DCBLD2: variants seen among roughly 807,000 people sequenced by gnomAD.
DCBLD2 encodes discoidin, CUB and LCCL domain containing 2.
In DCBLD2, 54 loss-of-function variants were observed where a neutral mutation model predicts 86.8. The observed-to-expected ratio is 0.62, with a 90% confidence interval of 0.50 to 0.78. DCBLD2 has a LOEUF of 0.78. Ranked by LOEUF, DCBLD2 falls within the 30% of genes least tolerant of loss-of-function variation. DCBLD2 has a pLI of 0.00. For synonymous variants in DCBLD2, 354 were observed against 341.3 expected, an observed-to-expected ratio of 1.04 and a Z score of -0.41; for missense variants, 908 against 954.2, an observed-to-expected ratio of 0.95 and a Z score of 0.64.
At chr3:98,867,813 T>G (rs1010482747) in intron 2 of DCBLD2, among the ~76,000 whole-genome samples, 4 of 151,882 alleles carry the variant, frequency 2.6e-5, no homozygotes, top group Non-Finnish European at 4.4e-5. Context: ...TTTTGTTTTT[T>G]TTTTTTTGAG....
intron 1 of DCBLD2, among the ~76,000 whole-genome samples, chr3:98,885,349 G>A (rs1943542741): frequency 6.6e-6 from 1 of 152,022 alleles, no homozygotes; most frequent in Non-Finnish European, 1.5e-5. Flanking sequence ...GCTTAACTAA[G>A]CACCTACTGC....
chr3:98,848,591 T>C lies in DCBLD2; in HGVS notation c.571+870A>G, dbSNP rs373534788. 1.1e-3 allele frequency among the ~76,000 whole-genome samples: 160 copies of C among 152,330 alleles called. 5 individuals are homozygous for C. The South Asian group carries it at 0.032, about 30-fold the overall frequency. On this transcript the variant is annotated intron_variant, in intron 3 of 15. Coordinates refer to ENST00000326840, the MANE Select transcript of DCBLD2 (RefSeq NM_080927.4). ...AACTGACTTACACTCCCACAAACAG[T>C]GTATACGGTTTCTTTTTCTCCACAA...
At chr3:98,810,199 A>T (rs1252223360) in intron 12 of DCBLD2, among the ~76,000 whole-genome samples, 4 of 152,234 alleles carry the variant, frequency 2.6e-5, no homozygotes, top group African/African-American at 9.6e-5. Flanking sequence ...CCATCCAGGC[A>T]TGTGGTCTGG....
Position 98,872,771 on chromosome 3 carries a change from C to T in DCBLD2, c.433+8769G>A, listed in dbSNP as rs113611988. 1.3e-3 allele frequency among the ~76,000 whole-genome samples: 199 copies of T among 151,402 alleles called. 1 individual carries two copies. In the East Asian group the frequency reaches 0.017, roughly 13 times the overall value. ...ATAAACCTTACCAAACACGAAAAGA[C>T]ACTTAAAAAAAACCAGAAGGACAGA... is the stretch of plus-strand genomic sequence containing the variant. On this transcript the variant is annotated intron_variant, in intron 2 of 15. Coordinates refer to ENST00000326840, the MANE Select transcript of DCBLD2 (RefSeq NM_080927.4).
At chr3:98,855,456 C>T (rs1329636784) in intron 2 of DCBLD2, among the ~76,000 whole-genome samples, 1 of 152,172 alleles carries the variant, frequency 6.6e-6, no homozygotes, top group East Asian at 1.9e-4. Flanking sequence ...AATTCCTCTT[C>T]TACGTATAGA....
At chr3:98,871,527 T>C (rs762687685) in intron 2 of DCBLD2, among the ~76,000 whole-genome samples, 2 of 152,176 alleles carry the variant, frequency 1.3e-5, no homozygotes, top group Non-Finnish European at 2.9e-5. Flanking sequence ...TTTCTTCATC[T>C]ACTGAAATGA....
chr3:98,884,598 G>T lies in DCBLD2; in HGVS notation c.206-2831C>A, dbSNP rs533397965. On this transcript the variant is annotated intron_variant, in intron 1 of 15. Coordinates refer to ENST00000326840, the MANE Select transcript of DCBLD2 (RefSeq NM_080927.4). Reference sequence around the variant, plus strand: ...AGGAAAAAACTACCACCCTAAGACAGAGTTCCTAACATTATAAAACTAGTC... The same window carrying T: ...AGGAAAAAACTACCACCCTAAGACATAGTTCCTAACATTATAAAACTAGTC... Among the ~76,000 whole-genome samples the T allele has an allele frequency of 4.6e-5, 7 of 152,140 alleles. No homozygotes were observed. In the East Asian group the frequency reaches 1.4e-3, roughly 29 times the overall value.
chr3:98,816,674 A>T (rs1005628734), intron 9 of DCBLD2, among the ~76,000 whole-genome samples: 7 of 152,180 alleles, frequency 4.6e-5, no homozygotes, highest in Non-Finnish European at 1.0e-4. Flanking sequence ...GAGATGAGAA[A>T]AGTAGTAATT....
chr3:98,822,188 T>A, intron 6 of DCBLD2, 40 bp downstream of exon 6: 3 of 1,609,700 alleles, frequency 1.9e-6, no homozygotes, highest in Non-Finnish European at 1.7e-6. Flanking sequence ...GAATGCTAAT[T>A]ATATATAGCA....
rs757162843 is a variant in DCBLD2, at chr3:98,799,590, T to C, written c.2110A>G (p.Thr704Ala). The change falls in exon 16 of 16, where the codon ACG (threonine) becomes GCG (alanine). Residue 704 changes from threonine to alanine, a missense_variant. Physicochemically the swap from Thr to Ala is moderately conservative, Grantham distance 58 (BLOSUM62 0). Around this residue, in one of 3 missense-constraint regions of DCBLD2, gnomAD observed 606 missense variants for 678.5 expected, o/e 0.89. Coordinates refer to ENST00000326840, the MANE Select transcript of DCBLD2 (RefSeq NM_080927.4). Reference protein sequence around the residue: ...GQPSTSTFKATGNQPPPLVGT... With the variant: ...GQPSTSTFKAAGNQPPPLVGT... The stretch of plus-strand genomic sequence containing the variant: ...ACTAGTGGGGGAGGTTGGTTCCCCG[T>C]AGCCTTGAAAGTGGATGTGGAGGGC... The C allele has an allele frequency of 6.2e-6, 10 of 1,613,860 alleles. No homozygotes were observed. Among genetic ancestry groups the C allele is most frequent in the Admixed American group, 3.3e-5 (2 of 59,994 alleles).
chr3:98,879,973 G>T (rs1943437985), intron 2 of DCBLD2, among the ~76,000 whole-genome samples: 1 of 152,176 alleles, frequency 6.6e-6, no homozygotes, highest in Non-Finnish European at 1.5e-5. Context: ...GCTCCCTACT[G>T]CATCTGCAGG....
intron 12 of DCBLD2, among the ~76,000 whole-genome samples, chr3:98,810,635 T>C (rs995694256): frequency 6.6e-6 from 1 of 152,198 alleles, no homozygotes; most frequent in African/African-American, 2.4e-5. Context: ...TTATCACTGA[T>C]AACAAAACTT....
At position 98,808,100 on chromosome 3, in the gene DCBLD2, C is replaced by A. The variant is rs777072457; in HGVS notation, c.1651G>T (p.Ala551Ser). The change falls in exon 13 of 16, where the codon GCT (alanine) becomes TCT (serine). Residue 551 changes from alanine to serine, a missense_variant. By Grantham distance (99) the Ala-to-Ser change is moderately conservative (BLOSUM62 1). Coordinates refer to ENST00000326840, the MANE Select transcript of DCBLD2 (RefSeq NM_080927.4). ...LTTLILILVC[A>S]WHWRNRKKKT... ...ACTAACCTGTTTCTCCAGTGCCAAG[C>A]ACACACTAATATGAGAATGAGAGTA... 1.9e-6 allele frequency: 3 copies of A among 1,602,684 alleles called. No individual in the cohort carries two copies. The highest frequency in any genetic ancestry group is 1.7e-6 in the Non-Finnish European group (2 of 1,174,838).
intron 2 of DCBLD2, among the ~76,000 whole-genome samples, chr3:98,866,993 G>A (rs895038137): frequency 6.6e-6 from 1 of 152,086 alleles, no homozygotes; most frequent in African/African-American, 2.4e-5. Flanking sequence ...TTTTTGTCAG[G>A]TTTGTCAAAG....
intron 1 of DCBLD2, among the ~76,000 whole-genome samples, chr3:98,894,842 T>C (rs2107533275): frequency 6.6e-6 from 1 of 152,200 alleles, no homozygotes; most frequent in East Asian, 1.9e-4. Context: ...TGACAGACAC[T>C]ATGATAAGTA....
At position 98,817,797 on chromosome 3, in the gene DCBLD2, T is replaced by C. The variant is rs1942050392; in HGVS notation, c.1184A>G (p.Tyr395Cys). ...YSDDGQKWTV[Y>C]REPGVEQDKI... ...ATCTTGCTCCACACCAGGCTCTCTG[T>C]ACACAGTCCATTTCTGCCCATCATC... Residue 395 changes from tyrosine to cysteine, a missense_variant, in exon 9 of 16, where the codon TAC (tyrosine) becomes TGC (cysteine). By Grantham distance (194) the Tyr-to-Cys change is radical. This residue lies in a region of DCBLD2 where 606 missense variants were observed against 678.5 expected (regional missense o/e 0.89). Transcript: ENST00000326840. The C allele has an allele frequency of 6.2e-7, 1 of 1,613,682 alleles. No individual in the cohort carries two copies. The highest frequency in any genetic ancestry group is 8.5e-7 in the Non-Finnish European group (1 of 1,179,766).
At chr3:98,824,674 T>A (rs992419097) in intron 4 of DCBLD2, among the ~76,000 whole-genome samples, 1 of 152,028 alleles carries the variant, frequency 6.6e-6, no homozygotes, top group African/African-American at 2.4e-5. Flanking sequence ...CATTTCAATA[T>A]GGAGAACATA....
intron 3 of DCBLD2, among the ~76,000 whole-genome samples, chr3:98,845,866 C>A (rs1398767697): frequency 1.3e-5 from 2 of 152,186 alleles, no homozygotes; most frequent in Non-Finnish European, 2.9e-5. Context: ...CCTGGAAACT[C>A]CAATCCTTCA....
At chr3:98,851,830 A>C (rs1239174825) in intron 2 of DCBLD2, among the ~76,000 whole-genome samples, 1 of 152,244 alleles carries the variant, frequency 6.6e-6, no homozygotes, top group African/African-American at 2.4e-5. Context: ...AGCAACGGGG[A>C]AAGGGTTCCC....
Sources: allele counts gnomAD v4.1 joint callset (sites outside exome capture counted in the v4.1 genomes callset), GRCh38; gene constraint gnomAD v4.1.1; regional missense constraint gnomAD v4.1.1; transcripts MANE v1.5; gene names NCBI Gene and HGNC (gene_info 2026-07-23, HGNC 2026-07-21).